Variants in ZNF655 observed in about 807,000 individuals in gnomAD.
ZNF655 encodes zinc finger protein 655.
A neutral mutation model predicts 6.6 loss-of-function variants in ZNF655; 3 were observed. The ratio of observed to expected loss-of-function variants is 0.46; its 90% confidence interval spans 0.21 to 1.18. ZNF655 has a LOEUF of 1.18. Ranked by LOEUF, ZNF655 falls within the 50% of genes most tolerant of loss-of-function variation. The pLI is 0.24. For synonymous variants in ZNF655, 178 were observed against 195.0 expected, an observed-to-expected ratio of 0.91 and a Z score of 0.73; for missense variants, 526 against 572.3, an observed-to-expected ratio of 0.92 and a Z score of 0.83.
chr7:99,559,891 C>G (rs1263703300), intron 1 of ZNF655, among the ~76,000 whole-genome samples: 1 of 149,208 alleles, frequency 6.7e-6, no homozygotes, highest in Non-Finnish European at 1.5e-5. Flanking sequence ...GCCTCCCAAA[C>G]TGTTGGGATT....
Position 99,572,474 on chromosome 7 carries a change from C to T in ZNF655, c.366C>T (p.Thr122=). 1 of 1,613,882 alleles carries T rather than the reference C, an allele frequency of 6.2e-7. No homozygotes were observed. The highest frequency in any genetic ancestry group is 8.5e-7 in the Non-Finnish European group (1 of 1,179,934). ...GGCAAATAACAATCAGCAAGGAAAC[C>T]TTCACCAGTGAGAAGAACAATGAAT... The part of the protein sequence containing the change: ...EFRQITISKE[T]FTSEKNNECH... The change falls in exon 3 of 3, where the codon ACC becomes ACT. Residue 122 remains threonine, a synonymous_variant. Transcript: ENST00000252713.
chr7:99,574,425 C>T lies in ZNF655; in HGVS notation c.*841C>T, dbSNP rs1186403356. The T allele has an allele frequency of 6.6e-6, 1 of 151,990 alleles. No individual in the cohort carries two copies. Among genetic ancestry groups the T allele is most frequent in the East Asian group, 1.9e-4 (1 of 5,202 alleles). The allele number at this position is 151,990 out of a possible 1,614,324, so 9.4% of individuals were successfully genotyped here. ...ATTATAATTTTGATATTAAAAAGAA[C>T]AGAGATGGGGTCTTGCTTTGTTGCC... On this transcript the variant is annotated 3_prime_UTR_variant, in exon 3 of 3. Coordinates refer to ENST00000252713, the MANE Select transcript of ZNF655 (RefSeq NM_138494.3).
chr7:99,565,384 T>A (rs1258918546), intron 2 of ZNF655, among the ~76,000 whole-genome samples: 1 of 152,168 alleles, frequency 6.6e-6, no homozygotes, highest in African/African-American at 2.4e-5. Context: ...TTAGCCAGGA[T>A]GGTCTCGATC....
Position 99,571,623 on chromosome 7 carries a change from G to T in ZNF655, c.137-622G>T, listed in dbSNP as rs2151168552. 9 of 1,272,620 alleles carry T rather than the reference G, an allele frequency of 7.1e-6. 1 individual carries two copies. The Middle Eastern group carries it at 9.6e-4, about 136-fold the overall frequency. The allele number at this position is 1,272,620 out of a possible 1,614,324, so 78.8% of individuals were successfully genotyped here. On this transcript the variant is annotated intron_variant, in intron 2 of 2. Coordinates refer to ENST00000252713, the MANE Select transcript of ZNF655 (RefSeq NM_138494.3). ...TGTCTCTCTTAATCATTAGTTAAAA[G>T]AAAAAGTGGCAGATGTAGGACCTGG...
intron 2 of ZNF655, chr7:99,571,134 C>T (rs1191854185): frequency 3.5e-6 from 3 of 854,594 alleles, no homozygotes; most frequent in East Asian, 6.9e-5. Context: ...TGAATAAATG[C>T]TACACTCCTA....
chr7:99,567,544 A>AG (rs1803721573), intron 2 of ZNF655, among the ~76,000 whole-genome samples: 1 of 151,982 alleles, frequency 6.6e-6, no homozygotes, highest in Non-Finnish European at 1.5e-5. Flanking sequence ...AAAAAAAAAA[A>AG]AAGCATTCAC....
At chr7:99,571,710 T>G in intron 2 of ZNF655, 1 of 1,609,882 alleles carries the variant, frequency 6.2e-7, no homozygotes, top group Non-Finnish European at 8.5e-7. Flanking sequence ...CCAAGCCTGA[T>G]GGGATCTCCC....
At position 99,576,255 on chromosome 7, in the gene ZNF655, C is replaced by G. The variant is rs1804389323; in HGVS notation, c.*2671C>G. On this transcript the variant is annotated 3_prime_UTR_variant, in exon 3 of 3. Transcript: ENST00000252713. ...AAATGAATTGATCTAAATGTAAAAG[C>G]AAATGAAAAATGCATGTGTTTTTTC... 6.6e-6 allele frequency: 1 copy of G among 152,554 alleles called. No homozygotes were observed. The highest frequency in any genetic ancestry group is 2.4e-5 in the African/African-American group (1 of 41,436). 9.5% of individuals were successfully genotyped at this position (152,554 alleles called of 1,614,324 possible).
In ZNF655 at chr7:99,573,197, T is replaced by C. The variant is rs1804210685; in HGVS notation, c.1089T>C (p.Tyr363=). 3 of 1,614,158 alleles carry C rather than the reference T, an allele frequency of 1.9e-6. No individual in the cohort carries two copies. Among genetic ancestry groups the C allele is most frequent in the Non-Finnish European group, 2.5e-6 (3 of 1,180,014 alleles). ...HEEKAYEYDE[Y]GLAYIKQQGI... is the part of the protein sequence containing the mutation. ...AGAAAGCCTATGAGTATGATGAATA[T>C]GGGTTGGCCTATATTAAACAACAAG... Residue 363 remains tyrosine, a synonymous_variant, in exon 3 of 3, where the codon TAT becomes TAC. Transcript: ENST00000252713.
At chr7:99,558,864 G>C (rs2151137574) in intron 1 of ZNF655, 77 bp downstream of exon 1, 1 of 152,518 alleles carries the variant, frequency 6.6e-6, no homozygotes, top group Middle Eastern at 3.4e-3. Flanking sequence ...GAAGGAGGCG[G>C]CGTCCGGCCG....
At position 99,576,029 on chromosome 7, in the gene ZNF655, C is replaced by G. The variant is rs966511410; in HGVS notation, c.*2445C>G. Reference sequence around the variant, plus strand: ...GTTATTTAAAATTCTTGTTGTCAGTCCAGCAATTGAGGCTTTCATAGTTCA... The same window carrying G: ...GTTATTTAAAATTCTTGTTGTCAGTGCAGCAATTGAGGCTTTCATAGTTCA... On this transcript the variant is annotated 3_prime_UTR_variant, in exon 3 of 3. Coordinates refer to ENST00000252713, the MANE Select transcript of ZNF655 (RefSeq NM_138494.3). 2.0e-5 allele frequency: 3 copies of G among 152,130 alleles called. No homozygotes were observed. Among genetic ancestry groups the G allele is most frequent in the African/African-American group, 7.2e-5 (3 of 41,420 alleles). The allele number at this position is 152,130 out of a possible 1,614,324, so 9.4% of individuals were successfully genotyped here. A position where few individuals can be genotyped will look rare whatever the true frequency, so the allele number is the denominator to read the frequency against.
chr7:99,572,271 C>G lies in ZNF655; in HGVS notation c.163C>G (p.Leu55Val), dbSNP rs1170496040. 6.2e-7 allele frequency: 1 copy of G among 1,607,716 alleles called. No homozygotes were observed. Among genetic ancestry groups the G allele is most frequent in the African/African-American group, 1.3e-5 (1 of 74,696 alleles). Residue 55 changes from leucine (L) to valine (V), a missense_variant, in exon 3 of 3, where the codon CTG becomes GTG. Leu to Val is a conservative substitution (Grantham distance 32). Transcript: ENST00000252713. ...TGGAGAGACCAGAGAAGAGAACAAGCTGTTGATTCCTAAGCAGAAAATTTC... is the reference window on the plus strand; with the variant it reads ...TGGAGAGACCAGAGAAGAGAACAAGGTGTTGATTCCTAAGCAGAAAATTTC... ...GDGETREENK[L>V]LIPKQKISEE...
chr7:99,562,329 G>A (rs1415189283), intron 2 of ZNF655: 5 of 1,611,436 alleles, frequency 3.1e-6, no homozygotes, highest in Non-Finnish European at 4.2e-6. Context: ...GTGCTACAGT[G>A]TTCTCATTCC....
chr7:99,566,210 G>A (rs762720546), intron 2 of ZNF655, among the ~76,000 whole-genome samples: 5 of 152,138 alleles, frequency 3.3e-5, no homozygotes, highest in Non-Finnish European at 5.9e-5. Context: ...TGCCTCTGAA[G>A]CCCCTGCACT....
chr7:99,561,803 C>A, intron 2 of ZNF655: 2 of 771,606 alleles, frequency 2.6e-6, no homozygotes, highest in Non-Finnish European at 3.8e-6. Flanking sequence ...GTCCTGCTGA[C>A]ACCCCTTGGG....
intron 2 of ZNF655, chr7:99,571,540 C>G: frequency 9.9e-7 from 1 of 1,007,276 alleles, no homozygotes; most frequent in Non-Finnish European, 1.4e-6. Context: ...CCTTGTAGAT[C>G]TTTGCCCTCT....
intron 2 of ZNF655, among the ~76,000 whole-genome samples, chr7:99,563,542 T>C (rs1222125683): frequency 2.0e-5 from 3 of 152,150 alleles, no homozygotes; most frequent in Non-Finnish European, 2.9e-5. Context: ...GATCTCGAAC[T>C]CTTGACCTCA....
intron 2 of ZNF655, chr7:99,571,014 T>G (rs891078413): frequency 1.5e-5 from 3 of 198,408 alleles, no homozygotes; most frequent in Admixed American, 1.2e-4. Context: ...TTGTAGTTAG[T>G]TGTTTAGAGC....
At chr7:99,569,801 A>T (rs1431880644) in intron 2 of ZNF655, among the ~76,000 whole-genome samples, 5 of 151,974 alleles carry the variant, frequency 3.3e-5, no homozygotes, top group South Asian at 2.1e-4. Flanking sequence ...TTTCTCTTTT[A>T]AAAAAAATTA....
Sources: allele counts gnomAD v4.1 joint callset (sites outside exome capture counted in the v4.1 genomes callset), GRCh38; gene constraint gnomAD v4.1.1; transcripts MANE v1.5; gene names NCBI Gene and HGNC (gene_info 2026-07-23, HGNC 2026-07-21).